Variants in FBXW11 observed in about 807,000 individuals in gnomAD.
The protein encoded by FBXW11 is F-box/WD repeat-containing protein 11.
A neutral mutation model predicts 77.6 loss-of-function variants in FBXW11; 19 were observed. That is an observed-to-expected ratio of 0.24 (90% CI 0.17 to 0.36). The LOEUF is 0.36. Among genes scored for constraint, FBXW11 ranks in the 10% least tolerant of loss-of-function variants. The pLI, the probability that FBXW11 is intolerant of heterozygous loss-of-function variation, is 1.00. For missense variants in FBXW11, 334 were observed against 704.2 expected (o/e 0.47, Z 5.95); for synonymous variants, 235 against 249.4 (o/e 0.94, Z 0.54).
At chr5:171,905,551 C>T (rs1320571083) in intron 4 of FBXW11, among the ~76,000 whole-genome samples, 1 of 150,922 alleles carries the variant, frequency 6.6e-6, no homozygotes, top group African/African-American at 2.4e-5. Flanking sequence ...TTACCTTCTG[C>T]AGAAAAAATA....
At chr5:171,968,279 AC>A in intron 1 of FBXW11, among the ~76,000 whole-genome samples, 1 of 151,912 alleles carries the variant, frequency 6.6e-6, no homozygotes, top group Non-Finnish European at 1.5e-5. Context: ...ACACGGTGAA[AC>A]CCCTCGTCTC....
At chr5:171,929,372 A>G (rs1762047179) in intron 2 of FBXW11, among the ~76,000 whole-genome samples, 1 of 152,176 alleles carries the variant, frequency 6.6e-6, no homozygotes, top group Non-Finnish European at 1.5e-5. Flanking sequence ...CTGTCTCAAA[A>G]AAAAATAATA....
At chr5:171,974,835 C>CCCAGG (rs1764734343) in intron 1 of FBXW11, among the ~76,000 whole-genome samples, 1 of 152,144 alleles carries the variant, frequency 6.6e-6, no homozygotes, top group South Asian at 2.1e-4. Context: ...GATCTTGTTG[C>CCCAGG]CCAGGCTGGA....
intron 1 of FBXW11, 34 bp downstream of exon 1, chr5:172,006,424 C>T (rs371490679): frequency 3.9e-6 from 6 of 1,526,074 alleles, no homozygotes; most frequent in Non-Finnish European, 5.3e-6. Flanking sequence ...GCCGGACGGA[C>T]GGAAGCACAG....
At chr5:171,884,373 T>G (rs578065908) in intron 7 of FBXW11, among the ~76,000 whole-genome samples, 1 of 152,304 alleles carries the variant, frequency 6.6e-6, no homozygotes, top group Non-Finnish European at 1.5e-5. Flanking sequence ...TATTTCTGGG[T>G]TCTCTATTCT....
chr5:171,917,892 T>C (rs1003748262), intron 2 of FBXW11, among the ~76,000 whole-genome samples: 2 of 152,084 alleles, frequency 1.3e-5, no homozygotes, highest in Non-Finnish European at 2.9e-5. Flanking sequence ...TTCTATAATA[T>C]ACTATTATTT....
intron 4 of FBXW11, among the ~76,000 whole-genome samples, chr5:171,906,750 C>G (rs1234516751): frequency 6.6e-6 from 1 of 152,210 alleles, no homozygotes; most frequent in African/African-American, 2.4e-5. Flanking sequence ...GGCTAGGATT[C>G]AAACCAAGGG....
intron 2 of FBXW11, among the ~76,000 whole-genome samples, chr5:171,946,706 C>A (rs188985510): frequency 6.6e-6 from 1 of 151,936 alleles, no homozygotes; most frequent in African/African-American, 2.4e-5. Context: ...TTTCCCTCTT[C>A]GCTCTATTTA....
intron 9 of FBXW11, among the ~76,000 whole-genome samples, chr5:171,873,311 T>C (rs1416111371): frequency 6.6e-6 from 1 of 152,166 alleles, no homozygotes; most frequent in Non-Finnish European, 1.5e-5. Flanking sequence ...TTTTATGTTT[T>C]TACACCAGCT....
chr5:171,935,979 C>T (rs528062549), intron 2 of FBXW11, among the ~76,000 whole-genome samples: 17 of 151,704 alleles, frequency 1.1e-4, no homozygotes, highest in South Asian at 4.2e-4. Flanking sequence ...GGCATGGTGG[C>T]GGGTGCCTGT....
At chr5:171,992,296 C>T (rs751951934) in intron 1 of FBXW11, among the ~76,000 whole-genome samples, 9 of 149,346 alleles carry the variant, frequency 6.0e-5, no homozygotes, top group Non-Finnish European at 1.3e-4. Flanking sequence ...GGTGGGTTGG[C>T]ATGTGCCTGT....
intron 1 of FBXW11, among the ~76,000 whole-genome samples, chr5:172,000,459 A>G (rs1766347030): frequency 6.6e-6 from 1 of 152,240 alleles, no homozygotes; most frequent in Non-Finnish European, 1.5e-5. Flanking sequence ...CAGATTTTCC[A>G]AGACAGTATT....
At chr5:171,918,271 C>T (rs1435129277) in intron 2 of FBXW11, among the ~76,000 whole-genome samples, 2 of 152,030 alleles carry the variant, frequency 1.3e-5, no homozygotes, top group African/African-American at 2.4e-5. Context: ...ATACTCAATC[C>T]GTACACAGGG....
At chr5:171,951,063 T>C (rs1388647500) in intron 2 of FBXW11, among the ~76,000 whole-genome samples, 1 of 152,076 alleles carries the variant, frequency 6.6e-6, no homozygotes, top group African/African-American at 2.4e-5. Flanking sequence ...TTACTAAACT[T>C]TTCTGTATAT....
At chr5:171,899,863 ACT>A in intron 5 of FBXW11, 49 bp downstream of exon 5, 1 of 1,436,926 alleles carries the variant, frequency 7.0e-7, no homozygotes, top group Non-Finnish European at 9.3e-7. Context: ...AATCAAGCTG[ACT>A]CTATGTCAAT....
intron 2 of FBXW11, among the ~76,000 whole-genome samples, chr5:171,928,274 A>G (rs1761989641): frequency 6.6e-6 from 1 of 152,200 alleles, no homozygotes; most frequent in African/African-American, 2.4e-5. Context: ...AGAAAACACA[A>G]TTCATGTTCA....
chr5:171,965,753 A>T (rs1347933483), intron 1 of FBXW11, among the ~76,000 whole-genome samples: 1 of 152,156 alleles, frequency 6.6e-6, no homozygotes, highest in Non-Finnish European at 1.5e-5. Context: ...TTAATTATAA[A>T]GAGTAACTTG....
At chr5:171,980,592 A>G (rs1476347350) in intron 1 of FBXW11, among the ~76,000 whole-genome samples, 2 of 152,246 alleles carry the variant, frequency 1.3e-5, no homozygotes, top group Non-Finnish European at 2.9e-5. Flanking sequence ...AGTGGGCAAT[A>G]GGCACATAGA....
intron 1 of FBXW11, 95 bp from the exon 2 acceptor site, chr5:171,957,793 G>T: frequency 9.6e-7 from 1 of 1,046,870 alleles, no homozygotes; most frequent in Non-Finnish European, 1.5e-6. Context: ...AGTTGGGGCA[G>T]GGGGTGCACC....
Sources: gnomAD v4.1 joint callset for allele counts (sites outside exome capture counted in the v4.1 genomes callset) on GRCh38, gnomAD v4.1.1 for gene constraint, MANE v1.5 for transcripts, NCBI Gene and HGNC (gene_info 2026-07-23, HGNC 2026-07-21) for gene names.